The following RNF125 variants were observed in gnomAD, a reference collection of about 807,000 sequenced individuals.
RNF125 encodes the protein E3 ubiquitin-protein ligase RNF125.
A neutral mutation model predicts 26.0 loss-of-function variants in RNF125; 21 were observed. The ratio of observed to expected loss-of-function variants is 0.81; its 90% CI spans 0.57 to 1.16. The LOEUF is 1.16. Ranked by LOEUF, RNF125 falls within the 50% of genes most tolerant of loss-of-function variation. The probability of loss-of-function intolerance (pLI) is 0.00; values close to 1 mark genes in which losing one functional copy is unlikely to be tolerated. For synonymous variants in RNF125, 95 were observed against 109.2 expected, an observed-to-expected ratio of 0.87 and a Z score of 0.81; for missense variants, 270 against 299.4, an observed-to-expected ratio of 0.90 and a Z score of 0.72.
chr18:32,025,035 G>T (rs775453364), intron 1 of RNF125, among the ~76,000 whole-genome samples: 2 of 152,068 alleles, frequency 1.3e-5, no homozygotes, highest in Non-Finnish European at 2.9e-5. Flanking sequence ...CTGCACTCCA[G>T]CCTGGGTGAC....
intron 1 of RNF125, among the ~76,000 whole-genome samples, chr18:32,033,727 G>A (rs766521126): frequency 8.1e-5 from 12 of 148,350 alleles, no homozygotes; most frequent in Non-Finnish European, 1.3e-4. Flanking sequence ...GCTGAAGCAG[G>A]AGAATCATTT....
intron 4 of RNF125, among the ~76,000 whole-genome samples, chr18:32,049,101 T>C (rs1369410848): frequency 6.6e-6 from 1 of 152,202 alleles, no homozygotes; most frequent in Admixed American, 6.5e-5. Context: ...ACTGTGTACC[T>C]GCTCCAGCAG....
At chr18:32,057,026 G>A (rs2039392323) in intron 4 of RNF125, among the ~76,000 whole-genome samples, 1 of 152,172 alleles carries the variant, frequency 6.6e-6, no homozygotes, top group Non-Finnish European at 1.5e-5. Flanking sequence ...AAGGTGATAA[G>A]TAACTTACTG....
At chr18:32,065,831 G>A (rs867243473) in intron 4 of RNF125, 71 bp from the exon 5 acceptor site, 41 of 1,124,094 alleles carry the variant, frequency 3.6e-5, no homozygotes, top group Middle Eastern at 2.0e-4. Flanking sequence ...GCGCCCAGCC[G>A]TTGTTTTTAA....
intron 2 of RNF125, among the ~76,000 whole-genome samples, chr18:32,040,269 C>CT (rs1185186501): frequency 0.44 from 45,457 of 104,460 alleles, 11,676 homozygotes; most frequent in Non-Finnish European, 0.52. Context: ...CAATTTCTTT[C>CT]TTTTTTTTTT....
At chr18:32,034,347 C>T (rs757006308) in intron 1 of RNF125, among the ~76,000 whole-genome samples, 57 of 152,034 alleles carry the variant, frequency 3.7e-4, no homozygotes, top group African/African-American at 1.3e-3. Context: ...TTGAGCAGGG[C>T]GGCAGCTGCA....
chr18:32,019,030 A>G lies in RNF125; in HGVS notation c.164+3A>G. On this transcript the variant is annotated splice_donor_region_variant and intron_variant, in intron 1 of 5. Transcript: ENST00000217740. ...GTCCGGACCCGCTGTGGCCACGTGT[A>G]AGTTCCAGGGGAGCTCGGTTTGCGC... is the stretch of plus-strand genomic sequence containing the variant. 6.2e-7 allele frequency: 1 copy of G among 1,612,074 alleles called. No homozygotes were observed. Among genetic ancestry groups the G allele is most frequent in the Non-Finnish European group, 8.5e-7 (1 of 1,179,190 alleles).
rs1265020143 is a variant in RNF125, at chr18:32,018,917, C to T, written c.54C>T (p.Thr18=). 1.2e-6 allele frequency: 2 copies of T among 1,609,264 alleles called. No individual in the cohort carries two copies. Among genetic ancestry groups the T allele is most frequent in the Non-Finnish European group, 1.7e-6 (2 of 1,178,100 alleles). ...DSGKSAPASA[T]ARALERRRDP... is the part of the protein sequence containing the mutation. ...GCAAATCGGCGCCCGCCTCTGCCAC[C>T]GCGCGGGCCCTGGAGCGCAGGAGGG... The change falls in exon 1 of 6, where the codon ACC becomes ACT. Residue 18 remains threonine (T), a synonymous_variant. Coordinates refer to ENST00000217740, the MANE Select transcript of RNF125 (RefSeq NM_017831.4).
intron 1 of RNF125, among the ~76,000 whole-genome samples, chr18:32,022,389 A>C (rs938220228): frequency 6.6e-6 from 1 of 152,188 alleles, no homozygotes; most frequent in African/African-American, 2.4e-5. Context: ...GGGAAATTTG[A>C]ATTTGATTTT....
chr18:32,044,975 T>C (rs2039254274), intron 3 of RNF125, among the ~76,000 whole-genome samples: 1 of 151,436 alleles, frequency 6.6e-6, no homozygotes, highest in Non-Finnish European at 1.5e-5. Context: ...TACAAAAAAT[T>C]AGCATGGTGG....
intron 2 of RNF125, among the ~76,000 whole-genome samples, chr18:32,040,429 A>C (rs2039206004): frequency 6.6e-6 from 1 of 151,062 alleles, no homozygotes; most frequent in African/African-American, 2.4e-5. Context: ...ACACCACCAC[A>C]CCCGGCTAAT....
At chr18:32,021,847 C>G (rs1395612484) in intron 1 of RNF125, among the ~76,000 whole-genome samples, 1 of 152,082 alleles carries the variant, frequency 6.6e-6, no homozygotes, top group African/African-American at 2.4e-5. Flanking sequence ...GAATAGGAAA[C>G]TAGCAACTGG....
the RNF125 span, among the ~76,000 whole-genome samples, chr18:32,078,765 T>C: frequency 6.6e-6 from 1 of 152,240 alleles, no homozygotes. Flanking sequence ...TTAATTCTCA[T>C]AGAGCAATCC....
At chr18:32,075,880 C>T (rs1379459613), downstream of RNF125, 2 of 965,282 alleles carry the variant, frequency 2.1e-6, no homozygotes, top group Non-Finnish European at 1.6e-6. Flanking sequence ...ATATATATTA[C>T]ATCTCTAGAA....
At chr18:32,037,327 A>G (rs571247062) in intron 2 of RNF125, 58 bp downstream of exon 2, 14 of 976,108 alleles carry the variant, frequency 1.4e-5, no homozygotes, top group Non-Finnish European at 2.0e-5. Flanking sequence ...TGCGAAAGTT[A>G]TCATTTCACC....
downstream of RNF125, chr18:32,076,010 G>A (rs375142679): frequency 8.7e-6 from 8 of 922,586 alleles, no homozygotes; most frequent in South Asian, 9.0e-5. Flanking sequence ...AGATTATTCT[G>A]CCATTTTTCT....
At chr18:32,067,320 G>A (rs1262257272) in intron 5 of RNF125, among the ~76,000 whole-genome samples, 1 of 152,144 alleles carries the variant, frequency 6.6e-6, no homozygotes, top group Non-Finnish European at 1.5e-5. Context: ...TGGCTGTTCT[G>A]TCTAATCATG....
At chr18:32,039,075 A>G (rs2039190695) in intron 2 of RNF125, among the ~76,000 whole-genome samples, 1 of 149,726 alleles carries the variant, frequency 6.7e-6, no homozygotes, top group African/African-American at 2.4e-5. Context: ...CCAGGATTGT[A>G]TCTTTAAGAT....
At chr18:32,031,147 C>G (rs1460532068) in intron 1 of RNF125, 1 of 151,930 alleles carries the variant, frequency 6.6e-6, no homozygotes, top group Non-Finnish European at 1.5e-5. Flanking sequence ...TTATATCAGG[C>G]CTCCTGGTTA....
Sources: allele counts gnomAD v4.1 joint callset (sites outside exome capture counted in the v4.1 genomes callset), GRCh38; gene constraint gnomAD v4.1.1; transcripts MANE v1.5; gene names NCBI Gene and HGNC (gene_info 2026-07-23, HGNC 2026-07-21).